Variants in TAOK1 observed in about 807,000 individuals in gnomAD.
The protein encoded by TAOK1 is TAO kinase 1, also known as serine/threonine-protein kinase TAO1.
Under a neutral mutation model 138.3 loss-of-function variants are expected in TAOK1, and 21 were observed. The observed-to-expected ratio is 0.15, with a 90% CI of 0.11 to 0.22. The LOEUF (loss-of-function observed/expected upper bound fraction) is 0.22, where lower values mean the gene tolerates loss of function less well. Ranked by LOEUF, TAOK1 falls within the 10% of genes least tolerant of loss-of-function variation. TAOK1 has a pLI of 1.00. For synonymous variants in TAOK1, 361 were observed against 398.4 expected (o/e 0.91, Z 1.12); for missense variants, 651 against 1,227.7 (o/e 0.53, Z 7.02).
intron 19 of TAOK1, among the ~76,000 whole-genome samples, chr17:29,537,294 T>C (rs936776367): frequency 6.6e-6 from 1 of 152,192 alleles, no homozygotes; most frequent in Non-Finnish European, 1.5e-5. Context: ...GTGACACTTT[T>C]ATACAGTGTT....
intron 1 of TAOK1, among the ~76,000 whole-genome samples, chr17:29,406,475 G>A (rs556475316): frequency 6.6e-6 from 1 of 152,212 alleles, no homozygotes; most frequent in South Asian, 2.1e-4. Flanking sequence ...GATTTGGGAT[G>A]GGTATTTGGT....
chr17:29,443,976 A>G (rs946044162), intron 1 of TAOK1, among the ~76,000 whole-genome samples: 5 of 152,060 alleles, frequency 3.3e-5, no homozygotes, highest in Non-Finnish European at 5.9e-5. Context: ...TTAGCTGGGC[A>G]TGGTGGCACA....
intron 1 of TAOK1, among the ~76,000 whole-genome samples, chr17:29,405,713 A>G (rs1241990182): frequency 6.6e-6 from 1 of 152,044 alleles, no homozygotes; most frequent in African/African-American, 2.4e-5. Context: ...TGGGAGGCGG[A>G]GTTTGCAGTG....
At chr17:29,467,076 G>T (rs188717003) in intron 2 of TAOK1, 69 bp from the exon 3 acceptor site, 4 of 1,189,616 alleles carry the variant, frequency 3.4e-6, no homozygotes, top group East Asian at 2.5e-5. Context: ...TTTTATATTC[G>T]CAAAGAAATA....
In TAOK1 at chr17:29,433,468, A is replaced by AATCG. The variant is rs35251184; in HGVS notation, c.-94-17986_-94-17985insTCGA. On this transcript the variant is annotated intron_variant, in intron 1 of 19. Transcript: ENST00000261716. ...ATGTAAAAAGATTCTTCACTCTAGA[A>AATCG]ACTAAGGCAGCTCTGTTAGCATTGC... is the stretch of plus-strand genomic sequence containing the variant. 1.6e-4 allele frequency among the ~76,000 whole-genome samples: 4 copies of AATCG among 24,268 alleles called. No homozygotes were observed. In the South Asian group the frequency reaches 6.0e-3, roughly 37 times the overall value. 15.9% of individuals were successfully genotyped at this position (24,268 alleles called of 152,430 possible).
chr17:29,441,856 G>A (rs550690886), intron 1 of TAOK1, among the ~76,000 whole-genome samples: 5 of 151,276 alleles, frequency 3.3e-5, no homozygotes, highest in East Asian at 3.9e-4. Context: ...CAAGGTCGCC[G>A]CCTCTGCACT....
intron 1 of TAOK1, among the ~76,000 whole-genome samples, chr17:29,440,696 C>T (rs181659684): frequency 1.3e-4 from 20 of 152,244 alleles, no homozygotes; most frequent in Admixed American, 2.0e-4. Flanking sequence ...CTGCCTCAGC[C>T]TCCTGAGTAG....
rs1359675546 is a variant in TAOK1 at position 29,545,112 on chromosome 17, A to G, written c.*2090A>G. ...AGGCAGTGTTTCAAGAAGCACTCTT[A>G]TGTGTTGTTCTTTCAGCCCATGCTC... On this transcript the variant is annotated 3_prime_UTR_variant, in exon 20 of 20. Coordinates refer to ENST00000261716, the MANE Select transcript of TAOK1 (RefSeq NM_020791.4). The G allele has an allele frequency of 1.3e-5, 2 of 152,172 alleles. No individual in the cohort carries two copies. Among genetic ancestry groups the G allele is most frequent in the Non-Finnish European group, 1.5e-5 (1 of 68,020 alleles). The allele number at this position is 152,172 out of a possible 1,614,324, so 9.4% of individuals were successfully genotyped here.
chr17:29,527,489 C>T (rs1598523265), intron 17 of TAOK1, among the ~76,000 whole-genome samples: 1 of 152,104 alleles, frequency 6.6e-6, no homozygotes, highest in African/African-American at 2.4e-5. Flanking sequence ...TGCTACTAAC[C>T]ATAGCTAAAC....
chr17:29,448,020 CT>C (rs78328596), intron 1 of TAOK1, among the ~76,000 whole-genome samples: 23 of 116,984 alleles, frequency 2.0e-4, no homozygotes, highest in African/African-American at 6.7e-4. Context: ...CCGAGTTTAT[CT>C]TTTTTTTTAT....
At chr17:29,431,588 A>G (rs887790353) in intron 1 of TAOK1, among the ~76,000 whole-genome samples, 3 of 152,142 alleles carry the variant, frequency 2.0e-5, no homozygotes, top group Non-Finnish European at 2.9e-5. Flanking sequence ...TCTTTGAGAT[A>G]TTGAAGTGGA....
chr17:29,462,358 C>G (rs2030550755), intron 2 of TAOK1, among the ~76,000 whole-genome samples: 1 of 152,074 alleles, frequency 6.6e-6, no homozygotes, highest in Admixed American at 6.6e-5. Context: ...TTTTAGTTTC[C>G]AACACCTTAA....
chr17:29,445,511 T>G (rs995439407), intron 1 of TAOK1: 2 of 152,242 alleles, frequency 1.3e-5, no homozygotes, highest in Non-Finnish European at 2.9e-5. Flanking sequence ...AGATGTTCCT[T>G]TCTATTCCTA....
chr17:29,395,630 C>T (rs1904571202), intron 1 of TAOK1, among the ~76,000 whole-genome samples: 1 of 146,036 alleles, frequency 6.8e-6, no homozygotes, highest in African/African-American at 2.6e-5. Context: ...TGCTCACCTG[C>T]CTTTAGGTAT....
At chr17:29,535,634 G>A (rs981858249) in intron 19 of TAOK1, among the ~76,000 whole-genome samples, 4 of 151,734 alleles carry the variant, frequency 2.6e-5, no homozygotes, top group East Asian at 1.9e-4. Flanking sequence ...CAAGCAGATC[G>A]CTTGAGCTCA....
intron 18 of TAOK1, among the ~76,000 whole-genome samples, chr17:29,533,845 G>C (rs1253460297): frequency 1.4e-5 from 2 of 147,256 alleles, no homozygotes; most frequent in African/African-American, 5.1e-5. Flanking sequence ...GAGGGAGGGG[G>C]AGGGGGAGAG....
rs1491395217 is a variant in TAOK1 at position 29,532,348 on chromosome 17, GTT to G, written c.2361+1731_2361+1732del. Among the ~76,000 whole-genome samples, 11 of 118,688 alleles carry G rather than the reference GTT, an allele frequency of 9.3e-5. No homozygotes were observed. In the East Asian group the frequency reaches 1.4e-3, roughly 15 times the overall value. The allele number at this position is 118,688 out of a possible 152,430, so 77.9% of individuals were successfully genotyped here. Reference sequence around the variant, plus strand: ...GATTCTAGGTTTTTCTTTTTTGTTTGTTTGTGGTTTTTTTTTTTTTGATCATT... The same window carrying G: ...GATTCTAGGTTTTTCTTTTTTGTTTGTGTGGTTTTTTTTTTTTTGATCATT... On this transcript the variant is annotated intron_variant, in intron 18 of 19. Coordinates refer to ENST00000261716, the MANE Select transcript of TAOK1 (RefSeq NM_020791.4).
chr17:29,467,077 C>A, intron 2 of TAOK1, 68 bp from the exon 3 acceptor site: 1 of 1,225,036 alleles, frequency 8.2e-7, no homozygotes, highest in Non-Finnish European at 1.1e-6. Flanking sequence ...TTTATATTCG[C>A]AAAGAAATAG....
intron 4 of TAOK1, 127 bp downstream of exon 4, chr17:29,475,898 A>G: frequency 1.4e-6 from 1 of 713,758 alleles, no homozygotes; most frequent in South Asian, 1.7e-5. Flanking sequence ...TCGTACTGAA[A>G]GAAAACAAGC....
Sources: allele counts gnomAD v4.1 joint callset (sites outside exome capture counted in the v4.1 genomes callset), GRCh38; gene constraint gnomAD v4.1.1; transcripts MANE v1.5; gene names NCBI Gene and HGNC (gene_info 2026-07-23, HGNC 2026-07-21).